Variants in ATE1 observed in about 807,000 individuals in gnomAD.
ATE1 encodes arginyl-tRNA--protein transferase 1.
ATE1 carries 36 observed loss-of-function variants against 70.5 expected under a neutral mutation model. That is an observed-to-expected ratio of 0.51 (90% CI 0.39 to 0.67). ATE1 has a LOEUF of 0.67. Among genes scored for constraint, ATE1 ranks in the 30% least tolerant of loss-of-function variants. The pLI, the probability that ATE1 is intolerant of heterozygous loss-of-function variation, is 0.00. For missense variants in ATE1, 593 were observed against 629.5 expected (o/e 0.94, Z 0.62); for synonymous variants, 232 against 219.3 (o/e 1.06, Z -0.51).
chr10:121,825,031 T>C (rs1947952030), intron 10 of ATE1, among the ~76,000 whole-genome samples: 1 of 151,728 alleles, frequency 6.6e-6, no homozygotes, highest in Admixed American at 6.6e-5. Flanking sequence ...AAAAAGCCTA[T>C]ATATAAAATT....
At chr10:121,811,626 C>T (rs61675937) in intron 10 of ATE1, among the ~76,000 whole-genome samples, 9,534 of 152,114 alleles carry the variant, frequency 0.063, 896 homozygotes, top group African/African-American at 0.21. Context: ...TCCCCATGCT[C>T]GGAAAACAAG....
chr10:121,843,069 A>C (rs1948690787), intron 8 of ATE1, among the ~76,000 whole-genome samples: 1 of 152,180 alleles, frequency 6.6e-6, no homozygotes, highest in Non-Finnish European at 1.5e-5. Flanking sequence ...AGGTAGGTTA[A>C]AACAAACAAA....
intron 11 of ATE1, among the ~76,000 whole-genome samples, chr10:121,744,366 T>C (rs972521634): frequency 6.6e-6 from 1 of 152,132 alleles, no homozygotes; most frequent in African/African-American, 2.4e-5. Flanking sequence ...ACAACTGCCA[T>C]GCTGAAGGTG....
chr10:121,890,908 G>C (rs1043980778), intron 7 of ATE1, among the ~76,000 whole-genome samples: 1 of 151,934 alleles, frequency 6.6e-6, no homozygotes, highest in African/African-American at 2.4e-5. Flanking sequence ...AACAGTCATG[G>C]AAACACACAT....
chr10:121,760,509 A>G (rs1449579433), intron 11 of ATE1, among the ~76,000 whole-genome samples: 1 of 152,228 alleles, frequency 6.6e-6, no homozygotes, highest in Non-Finnish European at 1.5e-5. Flanking sequence ...AGCTGCAGTC[A>G]AAACAGTACA....
chr10:121,762,535 T>A (rs959019204), intron 11 of ATE1, among the ~76,000 whole-genome samples: 2 of 152,040 alleles, frequency 1.3e-5, no homozygotes, highest in Admixed American at 1.3e-4. Context: ...CCCCTGTGTC[T>A]GTGTGGATTT....
Position 121,741,596 on chromosome 10 carries a change from CA to C in ATE1, c.*2083del, listed in dbSNP as rs1307640246. 3 of 152,138 alleles carry C rather than the reference CA, an allele frequency of 2.0e-5. No homozygotes were observed. The highest frequency in any genetic ancestry group is 7.2e-5 in the African/African-American group (3 of 41,408). The allele number at this position is 152,138 out of a possible 1,614,324, so 9.4% of individuals were successfully genotyped here. On this transcript the variant is annotated 3_prime_UTR_variant, in exon 12 of 12. Coordinates refer to ENST00000224652, the MANE Select transcript of ATE1 (RefSeq NM_001001976.3). ...TGAATACCATTTTACATGCTAATCA[CA>C]AAGACAAATGGAGGGAAGATACAGT...
At chr10:121,895,362 C>G (rs1338487097) in intron 7 of ATE1, among the ~76,000 whole-genome samples, 1 of 152,220 alleles carries the variant, frequency 6.6e-6, no homozygotes, top group Non-Finnish European at 1.5e-5. Context: ...GTAGTCCTAG[C>G]ACCTCGGGAG....
At chr10:121,923,770 A>C (rs909372823) in intron 2 of ATE1, among the ~76,000 whole-genome samples, 2 of 152,236 alleles carry the variant, frequency 1.3e-5, no homozygotes, top group East Asian at 1.9e-4. Context: ...CTGTTAAAGA[A>C]GACATTTTTG....
At chr10:121,924,201 G>A (rs1590742992) in intron 2 of ATE1, 65 bp downstream of exon 2, 2 of 1,463,556 alleles carry the variant, frequency 1.4e-6, no homozygotes, top group Non-Finnish European at 1.9e-6. Flanking sequence ...GCATTTCAAA[G>A]GCATGCTGTA....
chr10:121,880,738 A>C (rs1383165851), intron 7 of ATE1, among the ~76,000 whole-genome samples: 1 of 152,120 alleles, frequency 6.6e-6, no homozygotes, highest in Non-Finnish European at 1.5e-5. Flanking sequence ...CTGCTTTTTA[A>C]TCATACAGGC....
intron 10 of ATE1, among the ~76,000 whole-genome samples, chr10:121,827,018 A>ATT (rs34739140): frequency 6.8e-6 from 1 of 146,040 alleles, no homozygotes; most frequent in African/African-American, 2.5e-5. Flanking sequence ...ATGGGCAATA[A>ATT]TTTTTTTTTT....
chr10:121,786,867 T>C (rs922367550), intron 11 of ATE1, among the ~76,000 whole-genome samples: 3 of 152,192 alleles, frequency 2.0e-5, no homozygotes, highest in Admixed American at 6.5e-5. Flanking sequence ...TATATATGTG[T>C]ATAGAACTTT....
chr10:121,853,669 T>TA (rs1008359560), intron 8 of ATE1, among the ~76,000 whole-genome samples: 121 of 151,346 alleles, frequency 8.0e-4, no homozygotes, highest in East Asian at 4.4e-3. Flanking sequence ...AAATCATTGT[T>TA]AAAAAAAAAT....
At chr10:121,861,563 A>G (rs921261246) in intron 8 of ATE1, among the ~76,000 whole-genome samples, 2 of 127,154 alleles carry the variant, frequency 1.6e-5, no homozygotes, top group Non-Finnish European at 3.2e-5. Flanking sequence ...GGACACAGGA[A>G]GGGGAACATC....
chr10:121,828,144 C>T (rs546272480), intron 10 of ATE1, among the ~76,000 whole-genome samples: 205 of 152,304 alleles, frequency 1.3e-3, no homozygotes, highest in African/African-American at 4.7e-3. Flanking sequence ...CATCTCTAGG[C>T]ATGACTGCAT....
intron 10 of ATE1, among the ~76,000 whole-genome samples, chr10:121,831,874 G>A (rs1948252367): frequency 6.6e-6 from 1 of 152,118 alleles, no homozygotes; most frequent in Non-Finnish European, 1.5e-5. Flanking sequence ...GATACTTGTT[G>A]CTCTAAAGAT....
At chr10:121,747,728 A>T (rs1211946252) in intron 11 of ATE1, among the ~76,000 whole-genome samples, 1 of 152,238 alleles carries the variant, frequency 6.6e-6, no homozygotes. Flanking sequence ...CCTGATACAC[A>T]TATGAATTTA....
intron 10 of ATE1, among the ~76,000 whole-genome samples, chr10:121,794,435 TCTCTACAAAAAAATTTTTTAATTAG>T (rs1352232499): frequency 1.3e-5 from 2 of 151,772 alleles, no homozygotes; most frequent in Non-Finnish European, 2.9e-5. Flanking sequence ...TGAGACCCCA[TCTCTACAAAAAAATTTTTTAATTAG>T]CTGGGCATGG....
Sources: allele counts gnomAD v4.1 joint callset (sites outside exome capture counted in the v4.1 genomes callset), GRCh38; gene constraint gnomAD v4.1.1; transcripts MANE v1.5; gene names NCBI Gene and HGNC (gene_info 2026-07-23, HGNC 2026-07-21).